Variants in PBX3 observed in about 807,000 individuals in gnomAD.
The protein encoded by PBX3 is PBX homeobox 3, also known as pre-B-cell leukemia transcription factor 3.
In PBX3, 14 loss-of-function variants were observed where a neutral mutation model predicts 48.5. That is an observed-to-expected ratio of 0.29 (90% CI 0.19 to 0.45). The LOEUF (loss-of-function observed/expected upper bound fraction) is 0.45, where lower values mean the gene tolerates loss of function less well. PBX3 is among the 20% of genes least tolerant of loss of function. The probability of loss-of-function intolerance (pLI) is 1.00; values close to 1 mark genes in which losing one functional copy is unlikely to be tolerated. For synonymous variants in PBX3, 210 were observed against 200.3 expected (o/e 1.05, Z -0.41); for missense variants, 386 against 546.7 (o/e 0.71, Z 2.93).
chr9:125,960,955 T>C, intron 6 of PBX3, 106 bp downstream of exon 6: 1 of 304,574 alleles, frequency 3.3e-6, no homozygotes, highest in Non-Finnish European at 5.6e-6. Context: ...AGAGTGGACT[T>C]AAAAAGGAAG....
intron 2 of PBX3, among the ~76,000 whole-genome samples, chr9:125,783,461 T>C (rs1325821497): frequency 2.0e-5 from 3 of 152,030 alleles, no homozygotes; most frequent in Non-Finnish European, 2.9e-5. Flanking sequence ...CTAATTTTTG[T>C]ATTTTTAGTA....
chr9:125,832,341 GC>G (rs1230215693), intron 2 of PBX3, among the ~76,000 whole-genome samples: 1 of 151,794 alleles, frequency 6.6e-6, no homozygotes, highest in Non-Finnish European at 1.5e-5. Flanking sequence ...GACTACAGGC[GC>G]CCGCCACCAC....
At chr9:125,748,891 G>T (rs1242246486) in intron 2 of PBX3, 1 of 327,670 alleles carries the variant, frequency 3.1e-6, no homozygotes, top group African/African-American at 2.1e-5. Context: ...CGGGGAGGGG[G>T]CCCGGAGCGC....
intron 2 of PBX3, among the ~76,000 whole-genome samples, chr9:125,889,145 A>T (rs1238392113): frequency 1.3e-5 from 2 of 152,240 alleles, no homozygotes; most frequent in Non-Finnish European, 2.9e-5. Context: ...GGCTCTTAGC[A>T]TCCCCAGGAA....
chr9:125,811,661 G>C (rs993470481), intron 2 of PBX3, among the ~76,000 whole-genome samples: 1 of 152,130 alleles, frequency 6.6e-6, no homozygotes, highest in Non-Finnish European at 1.5e-5. Context: ...CTTCATAGCA[G>C]CATGAGAATG....
rs201632270 is a variant in PBX3, at chr9:125,867,738, G to GTC, written c.275-47934_275-47933dup. 8.3e-3 allele frequency among the ~76,000 whole-genome samples: 1,221 copies of GTC among 146,622 alleles called. 5 individuals are homozygous for GTC. The highest frequency in any genetic ancestry group is 0.012 in the Non-Finnish European group (816 of 67,144). ...TTATGACAATGATGATTGTCTTTCTGTCTCTCTCTCTCTCTATATATATAT... is the reference window on the plus strand; with the variant it reads ...TTATGACAATGATGATTGTCTTTCTGTCTCTCTCTCTCTCTCTATATATATAT... On this transcript the variant is annotated intron_variant, in intron 2 of 8. Transcript: ENST00000373489.
intron 2 of PBX3, among the ~76,000 whole-genome samples, chr9:125,877,257 T>G (rs560113900): frequency 6.6e-6 from 1 of 152,322 alleles, no homozygotes; most frequent in South Asian, 2.1e-4. Context: ...ACCGTAATAA[T>G]AAAACCTTCC....
chr9:125,810,480 T>A (rs1838258023), intron 2 of PBX3, among the ~76,000 whole-genome samples: 1 of 151,992 alleles, frequency 6.6e-6, no homozygotes, highest in South Asian at 2.1e-4. Context: ...AGGTCTGTCT[T>A]TTTACAGAAT....
chr9:125,749,876 G>A (rs1174221835), intron 2 of PBX3, among the ~76,000 whole-genome samples: 1 of 152,156 alleles, frequency 6.6e-6, no homozygotes, highest in Non-Finnish European at 1.5e-5. Context: ...ACCATAATAA[G>A]CAGCAAATAA....
chr9:125,853,985 TAC>T (rs34586706), intron 2 of PBX3, among the ~76,000 whole-genome samples: 8,885 of 150,552 alleles, frequency 0.059, 838 homozygotes, highest in African/African-American at 0.2. Context: ...GGCTGCTGTA[TAC>T]ACACACACAC....
At chr9:125,888,222 C>T (rs62567246) in intron 2 of PBX3, among the ~76,000 whole-genome samples, 2 of 152,080 alleles carry the variant, frequency 1.3e-5, no homozygotes, top group African/African-American at 4.8e-5. Flanking sequence ...AATGGTCTGA[C>T]GGGCTGCTTC....
intron 2 of PBX3, among the ~76,000 whole-genome samples, chr9:125,847,630 G>T (rs1307628155): frequency 2.6e-5 from 4 of 151,652 alleles, no homozygotes; most frequent in African/African-American, 9.7e-5. Flanking sequence ...TTATATAATG[G>T]TTACCTTTCA....
chr9:125,869,539 T>C (rs1424458733), intron 2 of PBX3, among the ~76,000 whole-genome samples: 1 of 151,976 alleles, frequency 6.6e-6, no homozygotes, highest in African/African-American at 2.4e-5. Context: ...AGAGCAACAA[T>C]GAATAAACAG....
chr9:125,751,018 A>C (rs1564636865), intron 2 of PBX3, among the ~76,000 whole-genome samples: 1 of 152,076 alleles, frequency 6.6e-6, no homozygotes, highest in East Asian at 1.9e-4. Context: ...AAGCCCCCCC[A>C]CTCCTGCTTC....
chr9:125,876,679 A>G lies in PBX3; in HGVS notation c.275-39007A>G, dbSNP rs542572928. On this transcript the variant is annotated intron_variant, in intron 2 of 8. Transcript: ENST00000373489. The stretch of plus-strand genomic sequence containing the variant: ...TAGAAGTAAAGTTTTTGGGGAGTCA[A>G]AGTTATATTCAGATTTTCAACTGTG... 4.4e-4 allele frequency among the ~76,000 whole-genome samples: 67 copies of G among 152,254 alleles called. 1 individual carries two copies. The South Asian group carries it at 0.013, about 30-fold the overall frequency.
At chr9:125,795,289 G>A (rs920567855) in intron 2 of PBX3, among the ~76,000 whole-genome samples, 3 of 152,278 alleles carry the variant, frequency 2.0e-5, no homozygotes, top group East Asian at 3.9e-4. Context: ...GGAAGTATCC[G>A]TGCTGTTCTT....
chr9:125,856,884 C>G (rs1564141658), intron 2 of PBX3, among the ~76,000 whole-genome samples: 2 of 152,082 alleles, frequency 1.3e-5, no homozygotes. Context: ...TCTGGAAATG[C>G]TTTTGGTTGG....
At chr9:125,898,848 T>A (rs1479682140) in intron 2 of PBX3, among the ~76,000 whole-genome samples, 1 of 151,852 alleles carries the variant, frequency 6.6e-6, no homozygotes, top group African/African-American at 2.4e-5. Context: ...TACAATTTTT[T>A]AAATGAGTAC....
In PBX3 at chr9:125,919,382, T is replaced by G. The variant is rs1266621429; in HGVS notation, c.516+3455T>G. ...TAATTTTTTTTTTTTTTTTTTTTTT[T>G]GTATTTTTGGTAGAGACGGGGTTTC... On this transcript the variant is annotated intron_variant, in intron 3 of 8. Transcript: ENST00000373489. Among the ~76,000 whole-genome samples, 4 of 91,994 alleles carry G rather than the reference T, an allele frequency of 4.3e-5. No individual in the cohort carries two copies. The Admixed American group carries it at 4.5e-4, about 10-fold the overall frequency. The allele number at this position is 91,994 out of a possible 152,430, so 60.4% of individuals were successfully genotyped here.
Sources: gnomAD v4.1 joint callset for allele counts (sites outside exome capture counted in the v4.1 genomes callset) on GRCh38, gnomAD v4.1.1 for gene constraint, MANE v1.5 for transcripts, NCBI Gene and HGNC (gene_info 2026-07-23, HGNC 2026-07-21) for gene names.